The following HACL1 variants were observed in gnomAD, a reference collection of about 807,000 sequenced individuals.
HACL1 encodes 2-hydroxyacyl-CoA lyase 1, also known as 1600020H07Rik.
HACL1 carries 64 observed loss-of-function variants against 74.2 expected under a neutral mutation model. That is an observed-to-expected ratio of 0.86 (90% CI 0.70 to 1.06). HACL1 has a LOEUF of 1.06. HACL1 is among the 50% of genes least tolerant of loss of function. The pLI is 0.00. For synonymous variants in HACL1, 230 were observed against 238.8 expected (o/e 0.96, Z 0.34); for missense variants, 728 against 719.7 (o/e 1.01, Z -0.13).
intron 3 of HACL1, among the ~76,000 whole-genome samples, chr3:15,593,209 A>T (rs941577174): frequency 1.4e-5 from 2 of 138,120 alleles, no homozygotes; most frequent in African/African-American, 6.3e-5. Flanking sequence ...GCGTGTGTGT[A>T]TATATATACA....
At chr3:15,592,457 CGT>C (rs1290237214) in intron 3 of HACL1, among the ~76,000 whole-genome samples, 2 of 112,332 alleles carry the variant, frequency 1.8e-5, no homozygotes, top group Non-Finnish European at 3.5e-5. Context: ...CATACACACA[CGT>C]ATACATACAC....
intron 12 of HACL1, among the ~76,000 whole-genome samples, chr3:15,570,103 A>G (rs1015207387): frequency 6.6e-6 from 1 of 152,084 alleles, no homozygotes. Flanking sequence ...TTGGGAGGCC[A>G]AGGCGGGCGG....
At chr3:15,587,962 C>T (rs544952948) in intron 5 of HACL1, among the ~76,000 whole-genome samples, 6 of 152,090 alleles carry the variant, frequency 3.9e-5, no homozygotes, top group Admixed American at 2.6e-4. Context: ...GGTACGATCT[C>T]GGCTCACTGT....
At chr3:15,583,127 T>C (rs1203581740) in intron 7 of HACL1, 138 bp from the exon 8 acceptor site, 9 of 546,400 alleles carry the variant, frequency 1.6e-5, no homozygotes, top group Non-Finnish European at 2.6e-5. Flanking sequence ...CAACTTAATA[T>C]CATTTTACCA....
chr3:15,572,842 G>T (rs1226344288), intron 11 of HACL1, among the ~76,000 whole-genome samples: 1 of 152,178 alleles, frequency 6.6e-6, no homozygotes, highest in Admixed American at 6.5e-5. Context: ...AGTTCCTTTG[G>T]AAGGTATACT....
chr3:15,565,974 T>C (rs1243267159), intron 14 of HACL1, among the ~76,000 whole-genome samples: 3 of 152,214 alleles, frequency 2.0e-5, no homozygotes, highest in African/African-American at 7.2e-5. Context: ...AATCTAGACA[T>C]CATTAAAAAT....
chr3:15,599,918 T>C (rs948656962), intron 2 of HACL1, among the ~76,000 whole-genome samples: 2 of 152,226 alleles, frequency 1.3e-5, no homozygotes, highest in Non-Finnish European at 2.9e-5. Flanking sequence ...CAGTTAAGTA[T>C]AGGTTCCATT....
chr3:15,592,300 G>GTA (rs756110125), intron 3 of HACL1, among the ~76,000 whole-genome samples: 1 of 129,956 alleles, frequency 7.7e-6, no homozygotes, highest in African/African-American at 3.6e-5. Flanking sequence ...GTATACATAC[G>GTA]TATATATATG....
chr3:15,590,816 C>A (rs1372290058), intron 4 of HACL1, among the ~76,000 whole-genome samples: 3 of 152,210 alleles, frequency 2.0e-5, no homozygotes, highest in Non-Finnish European at 4.4e-5. Context: ...TGCGGTGGCT[C>A]ATGCCTGTAA....
intron 3 of HACL1, among the ~76,000 whole-genome samples, chr3:15,593,015 C>T (rs1422209265): frequency 1.6e-5 from 1 of 63,728 alleles, no homozygotes; most frequent in Non-Finnish European, 4.2e-5. Flanking sequence ...CGTGTATACA[C>T]ATGTACGCAT....
intron 12 of HACL1, 23 bp from the exon 13 acceptor site, chr3:15,568,609 A>C: frequency 7.6e-7 from 1 of 1,311,286 alleles, no homozygotes; most frequent in Non-Finnish European, 1.1e-6. Context: ...TGGGAATATA[A>C]TCAAATTAAA....
chr3:15,575,543 T>A (rs1345467173), intron 9 of HACL1, among the ~76,000 whole-genome samples: 1 of 151,988 alleles, frequency 6.6e-6, no homozygotes, highest in Non-Finnish European at 1.5e-5. Context: ...CTCATACACT[T>A]TTTTTATTTT....
chr3:15,599,429 G>C (rs540121160), intron 2 of HACL1, among the ~76,000 whole-genome samples: 1 of 151,812 alleles, frequency 6.6e-6, no homozygotes, highest in Non-Finnish European at 1.5e-5. Context: ...ACCATGCCTC[G>C]CATCATCTTT....
intron 3 of HACL1, among the ~76,000 whole-genome samples, chr3:15,594,614 T>C (rs890871066): frequency 4.6e-5 from 7 of 152,188 alleles, no homozygotes; most frequent in Non-Finnish European, 8.8e-5. Context: ...CAACAGAACT[T>C]TGTATAGTAA....
chr3:15,586,389 T>G (rs2063794276), intron 6 of HACL1, 136 bp downstream of exon 6: 1 of 579,270 alleles, frequency 1.7e-6, no homozygotes, highest in Non-Finnish European at 3.1e-6. Flanking sequence ...TGTAAATAGC[T>G]TTCTAACAAT....
At chr3:15,577,419 G>A (rs2063646160) in intron 9 of HACL1, among the ~76,000 whole-genome samples, 1 of 151,732 alleles carries the variant, frequency 6.6e-6, no homozygotes, top group Non-Finnish European at 1.5e-5. Flanking sequence ...AGAAAGGGAA[G>A]CAAGAAATGG....
Position 15,573,251 on chromosome 3 carries a change from G to C in HACL1, c.910-9C>G, listed in dbSNP as rs1319933607. 10 of 1,554,024 alleles carry C rather than the reference G, an allele frequency of 6.4e-6. No homozygotes were observed. The highest frequency in any genetic ancestry group is 8.9e-6 in the Non-Finnish European group (10 of 1,126,334). The stretch of plus-strand genomic sequence containing the variant: ...TCTGCACAGATATCAACCTAAAAAA[G>C]AGACAAGGCTAAAGAACAACCCATG... On this transcript the variant is annotated splice_polypyrimidine_tract_variant and intron_variant, in intron 10 of 16. Coordinates refer to ENST00000321169, the MANE Select transcript of HACL1 (RefSeq NM_012260.4).
chr3:15,564,609 G>T lies in HACL1; in HGVS notation c.1459C>A (p.Gln487Lys). The T allele has an allele frequency of 6.3e-7, 1 of 1,580,016 alleles. No individual in the cohort carries two copies. Among genetic ancestry groups the T allele is most frequent in the Non-Finnish European group, 8.7e-7 (1 of 1,151,890 alleles). ...LLVVNNNGIY[Q>K]GFDTDTWKEM... ...TTCCAAGTATCTGTATCAAAACCTT[G>T]GTAAATTCCATTGTTATTCACTACC... is the stretch of plus-strand genomic sequence containing the variant. The change falls in exon 15 of 17, where the codon CAA (glutamine) becomes AAA (lysine). Residue 487 changes from glutamine to lysine, a missense_variant. Coordinates refer to ENST00000321169, the MANE Select transcript of HACL1 (RefSeq NM_012260.4).
intron 14 of HACL1, among the ~76,000 whole-genome samples, chr3:15,565,017 T>G (rs1199975793): frequency 6.6e-6 from 1 of 151,958 alleles, no homozygotes; most frequent in African/African-American, 2.4e-5. Flanking sequence ...ATACAAAAAT[T>G]AGCTGTGCAT....
Sources: gnomAD v4.1 joint callset for allele counts (sites outside exome capture counted in the v4.1 genomes callset) on GRCh38, gnomAD v4.1.1 for gene constraint, MANE v1.5 for transcripts, NCBI Gene and HGNC (gene_info 2026-07-23, HGNC 2026-07-21) for gene names.